The following NAALADL2 variants were observed in gnomAD, a reference collection of about 807,000 sequenced individuals.
NAALADL2 encodes the protein N-acetylated alpha-linked acidic dipeptidase like 2.
In NAALADL2, 76 loss-of-function variants were observed where a neutral mutation model predicts 87.2. That is an observed-to-expected ratio of 0.87 (90% CI 0.72 to 1.05). NAALADL2 has a LOEUF of 1.05. Ranked by LOEUF, NAALADL2 falls within the 50% of genes least tolerant of loss-of-function variation. The probability of loss-of-function intolerance (pLI) is 0.00; values close to 1 mark genes in which losing one functional copy is unlikely to be tolerated. For missense variants in NAALADL2, 1,089 were observed against 945.8 expected, an observed-to-expected ratio of 1.15 and a Z score of -1.99; for synonymous variants, 354 against 331.0, an observed-to-expected ratio of 1.07 and a Z score of -0.75.
At chr3:174,905,002 G>T (rs1217185856) in intron 1 of NAALADL2, among the ~76,000 whole-genome samples, 1 of 151,738 alleles carries the variant, frequency 6.6e-6, no homozygotes, top group East Asian at 1.9e-4. Context: ...TATTTTTAAA[G>T]CTGTCACATA....
chr3:174,543,055 C>T (rs1450592689), intron 1 of NAALADL2, among the ~76,000 whole-genome samples: 1 of 152,074 alleles, frequency 6.6e-6, no homozygotes, highest in Non-Finnish European at 1.5e-5. Context: ...GGTACTTTAG[C>T]AGGTAACGTC....
intron 9 of NAALADL2, among the ~76,000 whole-genome samples, chr3:175,574,111 G>A (rs1718509107): frequency 6.6e-6 from 1 of 152,182 alleles, no homozygotes; most frequent in Non-Finnish European, 1.5e-5. Context: ...ATCCAGCACT[G>A]TGGTTGAAAA....
intron 1 of NAALADL2, among the ~76,000 whole-genome samples, chr3:174,963,225 C>T (rs1339690434): frequency 6.6e-6 from 1 of 151,890 alleles, no homozygotes; most frequent in Non-Finnish European, 1.5e-5. Flanking sequence ...TGGTGTGTTT[C>T]ATGTAACAGA....
intron 3 of NAALADL2, among the ~76,000 whole-genome samples, chr3:175,236,352 C>G (rs1745862946): frequency 6.6e-6 from 1 of 151,786 alleles, no homozygotes; most frequent in Non-Finnish European, 1.5e-5. Flanking sequence ...TCGAGACTAG[C>G]CTGACCAACA....
At chr3:175,128,985 C>A (rs1189433225) in intron 2 of NAALADL2, among the ~76,000 whole-genome samples, 3 of 152,046 alleles carry the variant, frequency 2.0e-5, no homozygotes, top group Non-Finnish European at 4.4e-5. Flanking sequence ...GTCACCCAGG[C>A]TGGAATGCAG....
At chr3:175,306,589 A>G (rs1163397210) in intron 4 of NAALADL2, among the ~76,000 whole-genome samples, 2 of 152,186 alleles carry the variant, frequency 1.3e-5, no homozygotes, top group Non-Finnish European at 2.9e-5. Context: ...AGGCGGGCAG[A>G]TCATGAGGTA....
At chr3:174,949,029 G>T (rs769412624) in intron 1 of NAALADL2, among the ~76,000 whole-genome samples, 1 of 152,014 alleles carries the variant, frequency 6.6e-6, no homozygotes, top group Admixed American at 6.6e-5. Context: ...AAGAGAAAGG[G>T]GTCTCTCTGG....
intron 2 of NAALADL2, among the ~76,000 whole-genome samples, chr3:175,155,620 T>C (rs1392316669): frequency 2.0e-5 from 3 of 152,194 alleles, no homozygotes; most frequent in African/African-American, 7.2e-5. Flanking sequence ...TGCTATGTCT[T>C]GAATACAGCT....
intron 3 of NAALADL2, among the ~76,000 whole-genome samples, chr3:174,758,296 A>T (rs1278268154): frequency 1.2e-4 from 18 of 152,212 alleles, no homozygotes; most frequent in Admixed American, 1.2e-3. Context: ...TAGTGACAGG[A>T]GGTCAGATGT....
chr3:175,323,486 A>T (rs1452750824), intron 4 of NAALADL2, among the ~76,000 whole-genome samples: 17 of 151,912 alleles, frequency 1.1e-4, no homozygotes, highest in Admixed American at 1.1e-3. Flanking sequence ...CTTAAAGTAT[A>T]ATAATAATAA....
intron 2 of NAALADL2, among the ~76,000 whole-genome samples, chr3:175,106,328 C>A (rs1250074724): frequency 6.6e-6 from 1 of 152,028 alleles, no homozygotes; most frequent in African/African-American, 2.4e-5. Flanking sequence ...CAGTGATTAT[C>A]TTCTACTGTC....
intron 3 of NAALADL2, among the ~76,000 whole-genome samples, chr3:174,777,155 C>T (rs767180029): frequency 3.9e-5 from 6 of 152,102 alleles, no homozygotes; most frequent in Non-Finnish European, 8.8e-5. Flanking sequence ...CCAGAAACCA[C>T]TGTCTAATCA....
intron 1 of NAALADL2, among the ~76,000 whole-genome samples, chr3:174,490,963 A>G (rs1718154064): frequency 1.3e-5 from 2 of 152,138 alleles, no homozygotes; most frequent in Admixed American, 1.3e-4. Context: ...ATACTTTAAG[A>G]GTATTTTATA....
At chr3:175,277,086 T>C (rs1197073679) in intron 4 of NAALADL2, among the ~76,000 whole-genome samples, 1 of 152,162 alleles carries the variant, frequency 6.6e-6, no homozygotes, top group Admixed American at 6.5e-5. Flanking sequence ...TTTAATATAT[T>C]TATTAAATTG....
intron 4 of NAALADL2, among the ~76,000 whole-genome samples, chr3:175,322,308 C>T: frequency 7.2e-6 from 1 of 138,318 alleles, no homozygotes; most frequent in Non-Finnish European, 1.5e-5. Flanking sequence ...AAACTGGATC[C>T]CTTCCTTACA....
intron 13 of NAALADL2, among the ~76,000 whole-genome samples, chr3:175,762,192 A>ATTTT (rs55668165): frequency 0.042 from 4,762 of 114,062 alleles, 462 homozygotes; most frequent in African/African-American, 0.15. Flanking sequence ...CTGTGTTTCG[A>ATTTT]TTTTTTTTTT....
At chr3:174,806,273 A>G (rs1053352994) in intron 3 of NAALADL2, among the ~76,000 whole-genome samples, 1 of 152,200 alleles carries the variant, frequency 6.6e-6, no homozygotes, top group Non-Finnish European at 1.5e-5. Context: ...AAACTCCTCT[A>G]CAGTCCCAAT....
chr3:175,280,975 A>C (rs1210435601), intron 4 of NAALADL2, among the ~76,000 whole-genome samples: 1 of 151,982 alleles, frequency 6.6e-6, no homozygotes. Flanking sequence ...CTCTGGGCCC[A>C]CACCAACCCT....
chr3:174,543,035 C>T (rs954142917), intron 1 of NAALADL2, among the ~76,000 whole-genome samples: 1 of 152,042 alleles, frequency 6.6e-6, no homozygotes, highest in African/African-American at 2.4e-5. Context: ...TCAGCATGAA[C>T]CATAGGGGTG....
Sources: allele counts gnomAD v4.1 joint callset (sites outside exome capture counted in the v4.1 genomes callset), GRCh38; gene constraint gnomAD v4.1.1; transcripts MANE v1.5; gene names NCBI Gene and HGNC (gene_info 2026-07-23, HGNC 2026-07-21).